NDE1: variants seen among roughly 807,000 people sequenced by gnomAD.
The protein encoded by NDE1 is nuclear distribution protein nudE homolog 1.
In NDE1, 28 loss-of-function variants were observed where a neutral mutation model predicts 43.4. The ratio of observed to expected loss-of-function variants is 0.65; its 90% confidence interval spans 0.48 to 0.89. The LOEUF (loss-of-function observed/expected upper bound fraction) is 0.89, where lower values mean the gene tolerates loss of function less well. NDE1 is among the 40% of genes least tolerant of loss of function. The probability of loss-of-function intolerance (pLI) is 0.00; values close to 1 mark genes in which losing one functional copy is unlikely to be tolerated. For synonymous variants in NDE1, 184 were observed against 172.0 expected, an observed-to-expected ratio of 1.07 and a Z score of -0.55; for missense variants, 441 against 434.1, an observed-to-expected ratio of 1.02 and a Z score of -0.14.
At chr16:15,717,231 C>T in intron 8 of NDE1, 1 of 1,614,228 alleles carries the variant, frequency 6.2e-7, no homozygotes. Flanking sequence ...ACGGCCCCCT[C>T]CATCTCGTGG....
chr16:15,719,446 G>A, intron 8 of NDE1: 3 of 1,483,698 alleles, frequency 2.0e-6, no homozygotes, highest in Non-Finnish European at 2.8e-6. Context: ...ATACATAGAG[G>A]AGGGAAGCGT....
Position 15,725,148 on chromosome 16 carries a change from AACAC to A in NDE1, c.*909_*912del, listed in dbSNP as rs34909724. ...TGGGACTCTGATAAAAAAAAAAAAA[AACAC>A]ACACACACACAAAAAAAACAGAATC... On this transcript the variant is annotated 3_prime_UTR_variant, in exon 9 of 9. Coordinates refer to ENST00000396354, the MANE Select transcript of NDE1 (RefSeq NM_017668.3). 1.2e-4 allele frequency: 72 copies of A among 608,202 alleles called. No individual in the cohort carries two copies. Among genetic ancestry groups the A allele is most frequent in the South Asian group, 2.3e-4 (12 of 52,818 alleles). The allele number at this position is 608,202 out of a possible 1,614,324, so 37.7% of individuals were successfully genotyped here.
intron 1 of NDE1, 73 bp from the exon 2 acceptor site, chr16:15,664,663 T>C: frequency 1.1e-6 from 1 of 897,414 alleles, no homozygotes; most frequent in Non-Finnish European, 1.8e-6. Context: ...CCAAGTTTTT[T>C]TTTTTTTTTC....
chr16:15,694,300 T>G (rs1311416755), intron 7 of NDE1, 44 bp downstream of exon 7: 2 of 1,602,160 alleles, frequency 1.2e-6, no homozygotes. Context: ...CCTGCCTGTC[T>G]TTCAGGATGT....
intron 1 of NDE1, among the ~76,000 whole-genome samples, chr16:15,661,438 G>A (rs543083542): frequency 2.6e-5 from 4 of 151,832 alleles, no homozygotes; most frequent in South Asian, 4.2e-4. Context: ...GTGAGCCACC[G>A]CGCCCGGCCG....
intron 8 of NDE1, chr16:15,718,653 T>A: frequency 1.5e-6 from 1 of 654,146 alleles, no homozygotes; most frequent in Non-Finnish European, 2.6e-6. Flanking sequence ...GGGATTGGGA[T>A]GGGGACCAGC....
chr16:15,699,460 C>T (rs2039149728), intron 8 of NDE1: 4 of 908,314 alleles, frequency 4.4e-6, no homozygotes, highest in Non-Finnish European at 5.5e-6. Flanking sequence ...GACAGGGTCT[C>T]ACTATGTTGC....
chr16:15,715,283 C>T (rs771836807), intron 8 of NDE1: 2 of 1,613,856 alleles, frequency 1.2e-6, no homozygotes, highest in Non-Finnish European at 8.5e-7. Context: ...CTGCAAACAG[C>T]AAGGAAAACA....
At chr16:15,687,221 G>A (rs756820672) in intron 4 of NDE1, 154 bp from the exon 5 acceptor site, 8 of 1,544,348 alleles carry the variant, frequency 5.2e-6, no homozygotes, top group Non-Finnish European at 7.0e-6. Context: ...TGCCCCAGAA[G>A]GTTAAGGGAC....
intron 8 of NDE1, chr16:15,715,298 G>A (rs1470029544): frequency 6.2e-7 from 1 of 1,612,600 alleles, no homozygotes; most frequent in Admixed American, 1.7e-5. Flanking sequence ...AAAACAGGTG[G>A]TTTCAGCGGA....
intron 8 of NDE1, among the ~76,000 whole-genome samples, chr16:15,708,277 A>G (rs949674281): frequency 6.6e-6 from 1 of 152,178 alleles, no homozygotes; most frequent in East Asian, 1.9e-4. Context: ...GAATCATGGG[A>G]GGACTGGTTG....
chr16:15,667,852 G>A (rs1159825531), intron 3 of NDE1, among the ~76,000 whole-genome samples: 1 of 151,694 alleles, frequency 6.6e-6, no homozygotes, highest in East Asian at 1.9e-4. Context: ...GGCTGGTCTC[G>A]AACTCCTGAC....
chr16:15,705,626 C>T (rs910552536), intron 8 of NDE1, among the ~76,000 whole-genome samples: 27 of 152,128 alleles, frequency 1.8e-4, no homozygotes, highest in Non-Finnish European at 3.2e-4. Flanking sequence ...TTGCTCCCCA[C>T]GCAAGGGTTG....
At chr16:15,687,624 G>C in intron 5 of NDE1, 113 bp downstream of exon 5, 2 of 1,045,164 alleles carry the variant, frequency 1.9e-6, no homozygotes, top group Non-Finnish European at 3.0e-6. Context: ...ACCCTGCTCT[G>C]CACCCAGGTT....
chr16:15,721,705 G>A, intron 8 of NDE1: 2 of 1,525,250 alleles, frequency 1.3e-6, no homozygotes, highest in Non-Finnish European at 1.8e-6. Context: ...TAAATACCGG[G>A]GGAAGCCCTG....
intron 1 of NDE1, chr16:15,643,969 TGTGTG>T: frequency 6.6e-6 from 1 of 152,142 alleles, no homozygotes; most frequent in Non-Finnish European, 1.5e-5. Context: ...CCAGATATGC[TGTGTG>T]GTTTGCTTTA....
chr16:15,678,009 C>A, intron 4 of NDE1, 60 bp downstream of exon 4: 1 of 1,595,132 alleles, frequency 6.3e-7, no homozygotes, highest in Non-Finnish European at 8.6e-7. Flanking sequence ...TTGTCCCCAG[C>A]AGCTGGGTAC....
At chr16:15,712,881 A>ATTTTTTTTTTTTTTTTTTTTT (rs1567680172) in intron 8 of NDE1, 2 of 65,914 alleles carry the variant, frequency 3.0e-5, no homozygotes, top group African/African-American at 2.0e-4. Context: ...CTTCACATAC[A>ATTTTTTTTTTTTTTTTTTTTT]GTTTTTTTTT....
intron 8 of NDE1, among the ~76,000 whole-genome samples, chr16:15,709,909 G>A (rs2039682132): frequency 6.6e-6 from 1 of 152,142 alleles, no homozygotes; most frequent in South Asian, 2.1e-4. Flanking sequence ...CCAGTGGTAG[G>A]TAAGTGGGTC....
Sources: allele counts gnomAD v4.1 joint callset (sites outside exome capture counted in the v4.1 genomes callset), GRCh38; gene constraint gnomAD v4.1.1; transcripts MANE v1.5; gene names NCBI Gene and HGNC (gene_info 2026-07-23, HGNC 2026-07-21).